GPC5: variants seen among roughly 807,000 people sequenced by gnomAD.
The protein encoded by GPC5 is glypican 5, also known as glypican-5.
A neutral mutation model predicts 53.9 loss-of-function variants in GPC5; 47 were observed. That is an observed-to-expected ratio of 0.87 (90% CI 0.69 to 1.11). GPC5 has a LOEUF of 1.11. GPC5 is among the 50% of genes most tolerant of loss of function. GPC5 has a pLI of 0.00. For missense variants in GPC5, 748 were observed against 713.1 expected (o/e 1.05, Z -0.56); for synonymous variants, 286 against 263.3 (o/e 1.09, Z -0.84).
chr13:92,861,974 A>G (rs1176766301), intron 7 of GPC5, among the ~76,000 whole-genome samples: 1 of 152,194 alleles, frequency 6.6e-6, no homozygotes, highest in Non-Finnish European at 1.5e-5. Context: ...AAATGCTCTC[A>G]TTTGAAAGTT....
At chr13:92,487,807 A>G (rs922062165) in intron 7 of GPC5, among the ~76,000 whole-genome samples, 2 of 150,908 alleles carry the variant, frequency 1.3e-5, no homozygotes, top group African/African-American at 4.9e-5. Flanking sequence ...GAAGAAAATC[A>G]TGATTATAAA....
chr13:91,414,478 C>A (rs1250132495), intron 1 of GPC5, among the ~76,000 whole-genome samples: 1 of 152,154 alleles, frequency 6.6e-6, no homozygotes. Flanking sequence ...AGTGATGTTT[C>A]CATATGGAAA....
chr13:91,430,510 CTCT>C (rs1310348921), intron 1 of GPC5, among the ~76,000 whole-genome samples: 24 of 152,260 alleles, frequency 1.6e-4, no homozygotes, highest in African/African-American at 5.8e-4. Flanking sequence ...AGGATACTTT[CTCT>C]TCTTCTGAGT....
intron 2 of GPC5, among the ~76,000 whole-genome samples, chr13:91,471,472 C>T (rs757542642): frequency 1.3e-5 from 2 of 152,034 alleles, no homozygotes; most frequent in South Asian, 2.1e-4. Context: ...AACGGTGTTG[C>T]GATTGTACTG....
chr13:92,683,983 T>C (rs1035057862), intron 7 of GPC5, among the ~76,000 whole-genome samples: 1 of 152,202 alleles, frequency 6.6e-6, no homozygotes, highest in African/African-American at 2.4e-5. Context: ...TTTTAATAGA[T>C]GTATAATAAG....
At chr13:92,646,282 CTT>C (rs1885763692) in intron 7 of GPC5, among the ~76,000 whole-genome samples, 1 of 152,106 alleles carries the variant, frequency 6.6e-6, no homozygotes, top group African/African-American at 2.4e-5. Flanking sequence ...AAAAAAGTCT[CTT>C]CTTTCACCAT....
In GPC5 at chr13:92,344,177, A is replaced by C. The variant is rs147806493; in HGVS notation, c.1561+199188A>C. Among the ~76,000 whole-genome samples, 105 of 152,264 alleles carry C rather than the reference A, an allele frequency of 6.9e-4. 1 individual carries two copies. The East Asian group carries it at 0.016, about 24-fold the overall frequency. On this transcript the variant is annotated intron_variant, in intron 7 of 7. Transcript: ENST00000377067. ...ACTGGGAAAGCCTCAGGAAACCTATAATCATGGCAGAAGGGGAAGCAAACA... is the reference window on the plus strand; with the variant it reads ...ACTGGGAAAGCCTCAGGAAACCTATCATCATGGCAGAAGGGGAAGCAAACA...
chr13:91,470,121 T>C (rs903111754), intron 2 of GPC5, among the ~76,000 whole-genome samples: 1 of 152,334 alleles, frequency 6.6e-6, no homozygotes, highest in Non-Finnish European at 1.5e-5. Flanking sequence ...TGTCACTTGT[T>C]GTATTAAGTT....
At chr13:92,827,444 A>C (rs933113480) in intron 7 of GPC5, among the ~76,000 whole-genome samples, 7 of 152,156 alleles carry the variant, frequency 4.6e-5, no homozygotes, top group South Asian at 2.1e-4. Flanking sequence ...AGAAAATCTT[A>C]CAACCTTCCA....
intron 6 of GPC5, among the ~76,000 whole-genome samples, 169 bp from the exon 7 acceptor site, chr13:92,144,661 G>A (rs1418571287): frequency 2.6e-5 from 4 of 152,106 alleles, no homozygotes; most frequent in African/African-American, 4.8e-5. Context: ...GACTTTGCCC[G>A]CTATTTATTA....
At chr13:91,698,053 C>T (rs2035919598) in intron 3 of GPC5, among the ~76,000 whole-genome samples, 1 of 152,054 alleles carries the variant, frequency 6.6e-6, no homozygotes, top group Non-Finnish European at 1.5e-5. Flanking sequence ...AGGCATGCGT[C>T]ACCACACCCA....
intron 7 of GPC5, among the ~76,000 whole-genome samples, chr13:92,734,808 C>T (rs1888894802): frequency 6.6e-6 from 1 of 151,818 alleles, no homozygotes; most frequent in African/African-American, 2.4e-5. Flanking sequence ...GAAAAAGATC[C>T]ACAACACTTC....
chr13:92,422,530 A>C (rs2374010), intron 7 of GPC5, among the ~76,000 whole-genome samples: 6,713 of 132,182 alleles, frequency 0.051, 488 homozygotes, highest in African/African-American at 0.17. Flanking sequence ...ACACACACAC[A>C]CAACTTCTTG....
At chr13:92,332,791 T>C (rs1356082671) in intron 7 of GPC5, among the ~76,000 whole-genome samples, 1 of 152,196 alleles carries the variant, frequency 6.6e-6, no homozygotes, top group African/African-American at 2.4e-5. Context: ...AGGCTCTGCC[T>C]TAATGAAAAG....
At position 91,538,840 on chromosome 13, in the gene GPC5, C is replaced by A. The variant is rs12018558; in HGVS notation, c.325+89918C>A. Among the ~76,000 whole-genome samples, 1,230 of 147,516 alleles carry A rather than the reference C, an allele frequency of 8.3e-3. 20 individuals are homozygous for A. Among genetic ancestry groups the A allele is most frequent in the African/African-American group, 0.029 (1,190 of 40,800 alleles). On this transcript the variant is annotated intron_variant, in intron 2 of 7. Coordinates refer to ENST00000377067, the MANE Select transcript of GPC5 (RefSeq NM_004466.6). ...CTCATGGTCCACCCCGCCCCCCCCTCAGCCTCCCAAAGTGCTGGGATTACA... is the reference window on the plus strand; with the variant it reads ...CTCATGGTCCACCCCGCCCCCCCCTAAGCCTCCCAAAGTGCTGGGATTACA...
intron 7 of GPC5, among the ~76,000 whole-genome samples, chr13:92,221,812 G>A (rs1025713130): frequency 1.1e-4 from 16 of 151,846 alleles, no homozygotes; most frequent in Non-Finnish European, 1.6e-4. Context: ...TTTTTCGTAC[G>A]ACTCAAGAAC....
intron 5 of GPC5, among the ~76,000 whole-genome samples, chr13:91,849,574 T>C (rs942325488): frequency 6.6e-6 from 1 of 152,172 alleles, no homozygotes; most frequent in South Asian, 2.1e-4. Context: ...AGGTTTAGAG[T>C]CTTACCGGCT....
intron 7 of GPC5, among the ~76,000 whole-genome samples, chr13:92,373,640 C>T (rs1450614561): frequency 1.3e-5 from 2 of 152,114 alleles, no homozygotes; most frequent in Non-Finnish European, 2.9e-5. Context: ...CATTCATATC[C>T]CTGATAATAT....
intron 5 of GPC5, among the ~76,000 whole-genome samples, chr13:91,885,411 A>G (rs2039311198): frequency 6.6e-6 from 1 of 152,184 alleles, no homozygotes; most frequent in South Asian, 2.1e-4. Context: ...CTATTTAAAT[A>G]TGGAGTACCT....
Sources: gnomAD v4.1 joint callset for allele counts (sites outside exome capture counted in the v4.1 genomes callset) on GRCh38, gnomAD v4.1.1 for gene constraint, MANE v1.5 for transcripts, NCBI Gene and HGNC (gene_info 2026-07-23, HGNC 2026-07-21) for gene names.